Variants in CHCHD3 observed in about 807,000 individuals in gnomAD.
CHCHD3 encodes MICOS complex subunit MIC19.
Under a neutral mutation model 38.2 loss-of-function variants are expected in CHCHD3, and 20 were observed. The observed-to-expected ratio is 0.52, with a 90% CI of 0.37 to 0.76. The LOEUF (loss-of-function observed/expected upper bound fraction) is 0.76, where lower values mean the gene tolerates loss of function less well. Ranked by LOEUF, CHCHD3 falls within the 30% of genes least tolerant of loss-of-function variation. The pLI is 0.00. For missense variants in CHCHD3, 245 were observed against 279.2 expected (o/e 0.88, Z 0.87); for synonymous variants, 82 against 100.0 (o/e 0.82, Z 1.07).
intron 4 of CHCHD3, among the ~76,000 whole-genome samples, chr7:132,929,887 T>C (rs1029756921): frequency 6.6e-6 from 1 of 152,178 alleles, no homozygotes; most frequent in Non-Finnish European, 1.5e-5. Flanking sequence ...ATGGTTCTGA[T>C]TGCCACGAAT....
intron 2 of CHCHD3, chr7:133,051,992 A>G (rs1814183164): frequency 6.6e-6 from 1 of 152,240 alleles, no homozygotes; most frequent in African/African-American, 2.4e-5. Context: ...ACCCAAGGTA[A>G]AACAGCCAGT....
intron 3 of CHCHD3, among the ~76,000 whole-genome samples, chr7:133,016,182 T>C (rs1158889065): frequency 6.6e-6 from 1 of 152,192 alleles, no homozygotes; most frequent in African/African-American, 2.4e-5. Context: ...TTTCCTCATT[T>C]ATAAAATGAG....
At chr7:132,974,781 G>A (rs1811716334) in intron 4 of CHCHD3, among the ~76,000 whole-genome samples, 1 of 152,062 alleles carries the variant, frequency 6.6e-6, no homozygotes, top group South Asian at 2.1e-4. Flanking sequence ...GGCTGAGGCT[G>A]GAGAATCACT....
intron 2 of CHCHD3, among the ~76,000 whole-genome samples, chr7:133,050,856 A>T (rs1048897095): frequency 6.6e-6 from 1 of 151,926 alleles, no homozygotes; most frequent in Non-Finnish European, 1.5e-5. Flanking sequence ...CTCTGCTAAA[A>T]ATACAAAAAA....
chr7:133,044,748 T>A (rs184922389), intron 2 of CHCHD3, among the ~76,000 whole-genome samples: 1 of 152,288 alleles, frequency 6.6e-6, no homozygotes, highest in East Asian at 1.9e-4. Flanking sequence ...AGGGAGAGAA[T>A]GTATATGGCA....
chr7:133,050,383 T>C (rs543970062), intron 2 of CHCHD3, among the ~76,000 whole-genome samples: 325 of 95,556 alleles, frequency 3.4e-3, no homozygotes, highest in Non-Finnish European at 5.7e-3. Context: ...AAATGCAGAA[T>C]GAGAGTCAGC....
chr7:132,849,370 C>G (rs184215858), intron 5 of CHCHD3: 5 of 152,288 alleles, frequency 3.3e-5, no homozygotes, highest in Non-Finnish European at 7.4e-5. Context: ...ACTCAAAAAC[C>G]TAGTTATTTA....
chr7:132,974,967 TC>T (rs1811722537), intron 4 of CHCHD3, among the ~76,000 whole-genome samples: 1 of 152,142 alleles, frequency 6.6e-6, no homozygotes, highest in Non-Finnish European at 1.5e-5. Flanking sequence ...CTTCAATACT[TC>T]CAGAGTTACC....
chr7:132,852,751 T>C (rs1409936763), intron 5 of CHCHD3, among the ~76,000 whole-genome samples: 1 of 152,100 alleles, frequency 6.6e-6, no homozygotes, highest in Non-Finnish European at 1.5e-5. Flanking sequence ...GAAGGAGAAG[T>C]GTTGGTGGAG....
chr7:132,828,104 G>A (rs1807552316), intron 6 of CHCHD3, among the ~76,000 whole-genome samples: 1 of 152,098 alleles, frequency 6.6e-6, no homozygotes, highest in Admixed American at 6.6e-5. Flanking sequence ...TTTTGTAGAT[G>A]TATATTTTCA....
At chr7:133,013,145 C>A (rs1445606029) in intron 3 of CHCHD3, among the ~76,000 whole-genome samples, 2 of 142,750 alleles carry the variant, frequency 1.4e-5, no homozygotes, top group Non-Finnish European at 1.5e-5. Flanking sequence ...GAGATCACAC[C>A]CCTGCACTCC....
At chr7:132,837,201 G>A (rs916369380) in intron 6 of CHCHD3, among the ~76,000 whole-genome samples, 5 of 151,932 alleles carry the variant, frequency 3.3e-5, no homozygotes, top group Non-Finnish European at 5.9e-5. Flanking sequence ...AGAAATATTC[G>A]GGGAGCCAAC....
chr7:132,988,405 A>G (rs537270147), intron 3 of CHCHD3, among the ~76,000 whole-genome samples: 2 of 152,262 alleles, frequency 1.3e-5, no homozygotes, highest in Non-Finnish European at 2.9e-5. Context: ...ATTAAATAAT[A>G]CCTGGCACTT....
intron 2 of CHCHD3, among the ~76,000 whole-genome samples, chr7:133,057,671 A>G (rs954192024): frequency 6.6e-6 from 1 of 152,190 alleles, no homozygotes; most frequent in Non-Finnish European, 1.5e-5. Context: ...ACTTTTGTAA[A>G]TGTCATTTTT....
intron 6 of CHCHD3, among the ~76,000 whole-genome samples, chr7:132,820,823 C>T (rs1166051742): frequency 6.6e-6 from 1 of 151,988 alleles, no homozygotes; most frequent in Non-Finnish European, 1.5e-5. Flanking sequence ...GTATACACTA[C>T]CAACCTATCG....
At chr7:133,061,626 G>A (rs1399159839) in intron 2 of CHCHD3, among the ~76,000 whole-genome samples, 2 of 152,246 alleles carry the variant, frequency 1.3e-5, no homozygotes, top group East Asian at 3.9e-4. Flanking sequence ...TGCCCACCCT[G>A]CAATCTGTCA....
At position 132,932,342 on chromosome 7, in the gene CHCHD3, G is replaced by A. The variant is rs75609302; in HGVS notation, c.369+42827C>T. Among the ~76,000 whole-genome samples, 172 of 152,324 alleles carry A rather than the reference G, an allele frequency of 1.1e-3. 1 individual carries two copies. Among genetic ancestry groups the A allele is most frequent in the African/African-American group, 4.1e-3 (170 of 41,574 alleles). ...AGAGGTGAAAAGAGCCTCATGTAAT[G>A]TGACATGAAAAAGAAAGATTGCAGG... is the stretch of plus-strand genomic sequence containing the variant. On this transcript the variant is annotated intron_variant, in intron 4 of 7. Coordinates refer to ENST00000262570, the MANE Select transcript of CHCHD3 (RefSeq NM_017812.4).
intron 5 of CHCHD3, among the ~76,000 whole-genome samples, chr7:132,878,828 C>T (rs1388176433): frequency 6.6e-6 from 1 of 152,114 alleles, no homozygotes; most frequent in African/African-American, 2.4e-5. Context: ...AATGAGTAAA[C>T]TAATTATAGA....
intron 5 of CHCHD3, among the ~76,000 whole-genome samples, chr7:132,864,563 T>G (rs1808570348): frequency 2.0e-5 from 3 of 152,194 alleles, no homozygotes; most frequent in Admixed American, 2.0e-4. Context: ...ACTTCCTTAA[T>G]GCAGGGTTGC....
Sources: gnomAD v4.1 joint callset for allele counts (sites outside exome capture counted in the v4.1 genomes callset) on GRCh38, gnomAD v4.1.1 for gene constraint, MANE v1.5 for transcripts, NCBI Gene and HGNC (gene_info 2026-07-23, HGNC 2026-07-21) for gene names.